Variants in DPPA2 observed in about 807,000 individuals in gnomAD.
DPPA2 encodes the protein developmental pluripotency-associated protein 2.
In DPPA2, 26 loss-of-function variants were observed where a neutral mutation model predicts 36.2. The observed-to-expected ratio is 0.72, with a 90% CI of 0.53 to 1.00. The LOEUF (loss-of-function observed/expected upper bound fraction) is 1.00, where lower values mean the gene tolerates loss of function less well. Ranked by LOEUF, DPPA2 falls within the 50% of genes least tolerant of loss-of-function variation. DPPA2 has a pLI of 0.00. For synonymous variants in DPPA2, 113 were observed against 123.2 expected (o/e 0.92, Z 0.55); for missense variants, 361 against 365.1 (o/e 0.99, Z 0.09).
intron 3 of DPPA2, among the ~76,000 whole-genome samples, chr3:109,310,462 G>GC (rs1707684683): frequency 6.8e-6 from 1 of 147,732 alleles, no homozygotes; most frequent in South Asian, 2.1e-4. Context: ...TTAAAGACTT[G>GC]CCCATTATAA....
chr3:109,298,771 G>A (rs1041148249), intron 8 of DPPA2, among the ~76,000 whole-genome samples: 3 of 151,550 alleles, frequency 2.0e-5, no homozygotes, highest in Admixed American at 1.3e-4. Context: ...GCTCACGCCT[G>A]TAATCCCTGC....
At chr3:109,298,558 TAC>T (rs1361818711) in intron 8 of DPPA2, among the ~76,000 whole-genome samples, 1 of 150,962 alleles carries the variant, frequency 6.6e-6, no homozygotes, top group African/African-American at 2.4e-5. Flanking sequence ...ACTAAAAAAA[TAC>T]AAAAAATTAG....
intron 6 of DPPA2, among the ~76,000 whole-genome samples, chr3:109,306,726 G>A: frequency 1.3e-5 from 2 of 151,524 alleles, no homozygotes; most frequent in East Asian, 2.0e-4. Context: ...AGCACTTTAG[G>A]AGGCCAAGGC....
intron 8 of DPPA2, among the ~76,000 whole-genome samples, chr3:109,296,443 G>A (rs1355178055): frequency 6.6e-6 from 1 of 152,236 alleles, no homozygotes; most frequent in Non-Finnish European, 1.5e-5. Flanking sequence ...GGGAGGCTAA[G>A]GCAGATGGAT....
intron 7 of DPPA2, among the ~76,000 whole-genome samples, chr3:109,302,277 C>T (rs1486877247): frequency 1.3e-5 from 2 of 152,224 alleles, no homozygotes. Context: ...TTCTTCTCCA[C>T]TGAATTGGAC....
intron 8 of DPPA2, among the ~76,000 whole-genome samples, chr3:109,297,722 G>A (rs1707379215): frequency 6.6e-6 from 1 of 152,146 alleles, no homozygotes; most frequent in Non-Finnish European, 1.5e-5. Context: ...AACACATGGA[G>A]GAATCTTCAC....
intron 8 of DPPA2, among the ~76,000 whole-genome samples, chr3:109,297,597 A>C (rs111827793): frequency 1.1e-4 from 17 of 152,206 alleles, no homozygotes; most frequent in Admixed American, 5.2e-4. Flanking sequence ...AAACAATACG[A>C]AATACTAAGA....
chr3:109,300,863 T>C (rs924648847), intron 7 of DPPA2, among the ~76,000 whole-genome samples: 1 of 150,684 alleles, frequency 6.6e-6, no homozygotes, highest in Non-Finnish European at 1.5e-5. Context: ...CTGGAGTTCC[T>C]GAGTCATTTG....
intron 6 of DPPA2, among the ~76,000 whole-genome samples, chr3:109,307,603 CA>C (rs769445059): frequency 0.044 from 1,924 of 43,834 alleles, 11 homozygotes; most frequent in African/African-American, 0.11. Flanking sequence ...AACTCCATCT[CA>C]AAAAAAAAAA....
At chr3:109,297,703 G>T (rs918983247) in intron 8 of DPPA2, among the ~76,000 whole-genome samples, 1 of 152,166 alleles carries the variant, frequency 6.6e-6, no homozygotes, top group Non-Finnish European at 1.5e-5. Flanking sequence ...TGAGCTATCA[G>T]GCCATGACAA....
chr3:109,305,923 A>G (rs1235448561), intron 6 of DPPA2, among the ~76,000 whole-genome samples: 11 of 152,238 alleles, frequency 7.2e-5, no homozygotes, highest in South Asian at 2.1e-4. Context: ...TAACCACTAC[A>G]TTGTACTGCC....
chr3:109,302,879 G>A lies in DPPA2; in HGVS notation c.854+1596C>T, dbSNP rs1396150659. Among the ~76,000 whole-genome samples, 4 of 151,792 alleles carry A rather than the reference G, an allele frequency of 2.6e-5. No homozygotes were observed. The East Asian group carries it at 7.7e-4, about 29-fold the overall frequency. The stretch of plus-strand genomic sequence containing the variant: ...GACATCGGGAATTCTATAGTCTAAA[G>A]CAGTGTTTATGTGCATGTATATTTT... On this transcript the variant is annotated intron_variant, in intron 7 of 8. Coordinates refer to ENST00000478945, the MANE Select transcript of DPPA2 (RefSeq NM_138815.4).
chr3:109,306,124 C>T (rs1707559789), intron 6 of DPPA2, among the ~76,000 whole-genome samples: 2 of 152,166 alleles, frequency 1.3e-5, no homozygotes, highest in Admixed American at 6.6e-5. Flanking sequence ...CCCGATTAGA[C>T]TGTGAAACAA....
rs770127471 is a variant in DPPA2, at chr3:109,308,267, G to T, written c.423C>A (p.Thr141=). The change falls in exon 6 of 9, where the codon ACC becomes ACA. Residue 141 remains threonine, a synonymous_variant. Transcript: ENST00000478945. ...RQDMPEMSQE[T]RLQRCSRKRK... is the part of the protein sequence containing the mutation. ...GTTTCCTCGAACATCGCTGTAATCT[G>T]GTCTCTTGTGACATTTCAGGCATAT... 6 of 1,614,192 alleles carry T rather than the reference G, an allele frequency of 3.7e-6. No homozygotes were observed. The South Asian group carries it at 5.5e-5, about 15-fold the overall frequency.
chr3:109,302,621 T>G (rs1045280338), intron 7 of DPPA2, among the ~76,000 whole-genome samples: 1 of 152,132 alleles, frequency 6.6e-6, no homozygotes, highest in Middle Eastern at 3.4e-3. Flanking sequence ...GCCCAGCTAA[T>G]TTTTGTGTTT....
chr3:109,294,585 TA>T (rs1707318701), intron 8 of DPPA2, among the ~76,000 whole-genome samples: 1 of 152,178 alleles, frequency 6.6e-6, no homozygotes, highest in Non-Finnish European at 1.5e-5. Context: ...GTTCTAAATG[TA>T]AGCAGTTAAG....
At chr3:109,298,985 G>A (rs1707408616) in intron 8 of DPPA2, among the ~76,000 whole-genome samples, 1 of 151,496 alleles carries the variant, frequency 6.6e-6, no homozygotes, top group Admixed American at 6.6e-5. Context: ...GGCAGAGGTT[G>A]CAGTGAGCTG....
At chr3:109,315,083 G>GA (rs112359255) in intron 1 of DPPA2, among the ~76,000 whole-genome samples, 18 of 149,220 alleles carry the variant, frequency 1.2e-4, no homozygotes, top group Non-Finnish European at 2.1e-4. Context: ...AAAGAAAGAA[G>GA]AAAAAAAAAT....
chr3:109,310,537 G>T (rs565518195), intron 3 of DPPA2, among the ~76,000 whole-genome samples: 26 of 150,040 alleles, frequency 1.7e-4, no homozygotes, highest in African/African-American at 6.4e-4. Flanking sequence ...ACGGAGTTTC[G>T]CTCTATTGCC....
Sources: allele counts gnomAD v4.1 joint callset (sites outside exome capture counted in the v4.1 genomes callset), GRCh38; gene constraint gnomAD v4.1.1; transcripts MANE v1.5; gene names NCBI Gene and HGNC (gene_info 2026-07-23, HGNC 2026-07-21).